The following GPC3 variants were observed in gnomAD, a reference collection of about 807,000 sequenced individuals.
The protein encoded by GPC3 is glypican 3.
A neutral mutation model predicts 34.4 loss-of-function variants in GPC3; 3 were observed. The observed-to-expected ratio is 0.09, with a 90% CI of 0.04 to 0.23. The LOEUF (loss-of-function observed/expected upper bound fraction) is 0.23. Ranked by LOEUF, GPC3 falls within the 10% of genes least tolerant of loss-of-function variation. The pLI, the probability that GPC3 is intolerant of heterozygous loss-of-function variation, is 1.00. For synonymous variants in GPC3, 177 were observed against 174.0 expected, an observed-to-expected ratio of 1.02 and a Z score of -0.13; for missense variants, 351 against 445.6, an observed-to-expected ratio of 0.79 and a Z score of 1.91.
chrX:133,650,249 T>C (rs2070585611), intron 6 of GPC3, among the ~76,000 whole-genome samples: 1 of 111,367 alleles, frequency 9.0e-6, no homozygotes, highest in Non-Finnish European at 1.9e-5. Context: ...CTGATCTTTA[T>C]AGCTCTGAAG....
intron 2 of GPC3, among the ~76,000 whole-genome samples, chrX:133,778,483 C>T (rs1295833646): frequency 8.9e-6 from 1 of 111,913 alleles, no homozygotes; most frequent in Admixed American, 9.5e-5. Context: ...AATGGACCCA[C>T]TGAGCAACTG....
Position 133,625,590 on chromosome X carries a change from C to G in GPC3, c.1414-28991G>C, listed in dbSNP as rs756754530. 2.7e-5 allele frequency among the ~76,000 whole-genome samples: 3 copies of G among 111,549 alleles called. No individual in the cohort carries two copies. In the East Asian group the frequency reaches 8.5e-4, roughly 32 times the overall value. On this transcript the variant is annotated intron_variant, in intron 6 of 7. Transcript: ENST00000370818. The stretch of plus-strand genomic sequence containing the variant: ...AATTGCTACAAAGAGAATAAAATAC[C>G]TAGGAATCCAACTTCCAAGGGATGT...
At chrX:133,850,667 T>C (rs181248017) in intron 2 of GPC3, among the ~76,000 whole-genome samples, 1 of 111,307 alleles carries the variant, frequency 9.0e-6, no homozygotes, top group East Asian at 2.8e-4. Context: ...GGTGAGCTCA[T>C]CCTTCCTCAT....
chrX:133,683,291 T>C (rs1440010552), intron 5 of GPC3, among the ~76,000 whole-genome samples: 1 of 112,335 alleles, frequency 8.9e-6, no homozygotes, highest in Non-Finnish European at 1.9e-5. Context: ...CTCTAGTATG[T>C]TAATTTACCC....
chrX:133,684,882 C>CTT (rs370742490), intron 5 of GPC3, among the ~76,000 whole-genome samples: 2 of 100,709 alleles, frequency 2.0e-5, no homozygotes, highest in African/African-American at 7.2e-5. Flanking sequence ...GCATATAGGT[C>CTT]TTTTTTTTTT....
intron 2 of GPC3, among the ~76,000 whole-genome samples, chrX:133,819,323 C>T (rs1402124550): frequency 4.6e-5 from 5 of 108,019 alleles, no homozygotes; most frequent in Non-Finnish European, 9.6e-5. Context: ...TGCATACTTC[C>T]TGACAGTCCC....
intron 2 of GPC3, among the ~76,000 whole-genome samples, chrX:133,798,398 A>G (rs924199684): frequency 8.9e-6 from 1 of 111,732 alleles, no homozygotes. Flanking sequence ...GCTAGCAAGG[A>G]AAGATGGAAT....
chrX:133,900,513 A>C (rs2076139601), intron 2 of GPC3, among the ~76,000 whole-genome samples: 1 of 111,790 alleles, frequency 8.9e-6, no homozygotes, highest in Non-Finnish European at 1.9e-5. Flanking sequence ...CTCCATGTGG[A>C]AGATCTGAGG....
chrX:133,634,413 T>C (rs184718349), intron 6 of GPC3, among the ~76,000 whole-genome samples: 227 of 112,166 alleles, frequency 2.0e-3, no homozygotes, highest in African/African-American at 5.9e-3. Flanking sequence ...ACATTCCAAA[T>C]CAGAAAACAA....
At chrX:133,628,014 G>A (rs757525841) in intron 6 of GPC3, among the ~76,000 whole-genome samples, 1 of 112,467 alleles carries the variant, frequency 8.9e-6, no homozygotes, top group East Asian at 2.8e-4. Flanking sequence ...AGAACAGAGG[G>A]AAAATATGTC....
chrX:133,645,637 A>C (rs1224059756), intron 6 of GPC3, among the ~76,000 whole-genome samples: 1 of 111,595 alleles, frequency 9.0e-6, no homozygotes, highest in Non-Finnish European at 1.9e-5. Context: ...CATAGCAAAC[A>C]TGGTGTTCTT....
chrX:133,558,903 GTAAATAAATAAATAAA>G (rs755481125), intron 7 of GPC3, among the ~76,000 whole-genome samples: 8 of 102,601 alleles, frequency 7.8e-5, no homozygotes, highest in East Asian at 3.1e-4. Flanking sequence ...AAATAAGTAA[GTAAATAAATAAATAAA>G]TAAATAAATA....
intron 6 of GPC3, among the ~76,000 whole-genome samples, chrX:133,607,539 A>G (rs966674441): frequency 2.7e-5 from 3 of 111,936 alleles, no homozygotes; most frequent in African/African-American, 9.7e-5. Context: ...AAGTTCTGGA[A>G]TTACAGGCAT....
At chrX:133,678,777 A>G (rs1303878595) in intron 5 of GPC3, among the ~76,000 whole-genome samples, 1 of 112,123 alleles carries the variant, frequency 8.9e-6, no homozygotes, top group Admixed American at 9.5e-5. Flanking sequence ...TATAAATGAA[A>G]AAAATAGGGG....
At chrX:133,635,098 C>G (rs1355841464) in intron 6 of GPC3, among the ~76,000 whole-genome samples, 1 of 111,574 alleles carries the variant, frequency 9.0e-6, no homozygotes, top group Non-Finnish European at 1.9e-5. Context: ...AAATGAAATT[C>G]CTGCTCTTCT....
At chrX:133,870,355 C>G (rs1358066899) in intron 2 of GPC3, among the ~76,000 whole-genome samples, 1 of 111,836 alleles carries the variant, frequency 8.9e-6, no homozygotes, top group African/African-American at 3.3e-5. Context: ...TGACTTTTTT[C>G]TTTAGTAAGT....
intron 6 of GPC3, among the ~76,000 whole-genome samples, 166 bp downstream of exon 6, chrX:133,661,558 ATATCTC>A (rs2070716376): frequency 1.3e-5 from 1 of 74,195 alleles, no homozygotes; most frequent in African/African-American, 5.7e-5. Context: ...GAAGCTGGCT[ATATCTC>A]TCTTTCTCTC....
At chrX:133,634,159 A>G (rs1177091093) in intron 6 of GPC3, among the ~76,000 whole-genome samples, 4 of 112,125 alleles carry the variant, frequency 3.6e-5, no homozygotes, top group African/African-American at 6.5e-5. Flanking sequence ...AAAGTCTATA[A>G]TCAACGAATG....
chrX:133,555,207 C>T (rs2069476557), intron 7 of GPC3, among the ~76,000 whole-genome samples: 2 of 112,667 alleles, frequency 1.8e-5, no homozygotes, highest in East Asian at 5.7e-4. Flanking sequence ...TGCCACCTGG[C>T]CAGGCTGGCC....
Sources: gnomAD v4.1 joint callset for allele counts (sites outside exome capture counted in the v4.1 genomes callset) on GRCh38, gnomAD v4.1.1 for gene constraint, MANE v1.5 for transcripts, NCBI Gene and HGNC (gene_info 2026-07-23, HGNC 2026-07-21) for gene names.